The following CREBBP variants were observed in gnomAD, a reference collection of about 807,000 sequenced individuals.
CREBBP encodes the protein CREB binding lysine acetyltransferase.
In CREBBP, 19 loss-of-function variants were observed where a neutral mutation model predicts 265.0. That is an observed-to-expected ratio of 0.07 (90% CI 0.05 to 0.11). CREBBP has a LOEUF of 0.11. Ranked by LOEUF, CREBBP falls within the 10% of genes least tolerant of loss-of-function variation. The pLI is 1.00. For missense variants in CREBBP, 2,525 were observed against 3,219.0 expected, an observed-to-expected ratio of 0.78 and a Z score of 5.22; for synonymous variants, 1,457 against 1,223.7, an observed-to-expected ratio of 1.19 and a Z score of -3.98.
chr16:3,853,448 A>C (rs1399872356), intron 1 of CREBBP, among the ~76,000 whole-genome samples: 4 of 151,338 alleles, frequency 2.6e-5, no homozygotes, highest in African/African-American at 9.7e-5. Context: ...GTCTCTACTA[A>C]AAATATAAAA....
intron 16 of CREBBP, among the ~76,000 whole-genome samples, chr16:3,759,588 C>CAAA (rs879293877): frequency 3.1e-5 from 4 of 129,464 alleles, no homozygotes; most frequent in African/African-American, 1.5e-4. Context: ...ACTCTGTCTC[C>CAAA]AAAAAAAAAA....
intron 26 of CREBBP, among the ~76,000 whole-genome samples, chr16:3,737,270 G>C (rs1347158036): frequency 2.6e-5 from 4 of 152,098 alleles, no homozygotes; most frequent in African/African-American, 9.7e-5. Flanking sequence ...GAATGGGGCA[G>C]GTCTAGAGTA....
At chr16:3,834,546 G>A (rs1375892244) in intron 2 of CREBBP, among the ~76,000 whole-genome samples, 1 of 152,170 alleles carries the variant, frequency 6.6e-6, no homozygotes, top group East Asian at 1.9e-4. Flanking sequence ...ATGAAGAGGT[G>A]AAACACAGAC....
At chr16:3,777,729 GA>G in intron 10 of CREBBP, 72 bp from the exon 11 acceptor site, 1 of 1,567,980 alleles carries the variant, frequency 6.4e-7, no homozygotes, top group Non-Finnish European at 8.8e-7. Context: ...TCAGGAATAG[GA>G]AATTTCTTAT....
intron 2 of CREBBP, among the ~76,000 whole-genome samples, chr16:3,832,959 G>A (rs986047432): frequency 5.9e-5 from 9 of 151,676 alleles, no homozygotes; most frequent in Non-Finnish European, 7.4e-5. Context: ...TTCAGTAATC[G>A]CTTATGATCA....
intron 1 of CREBBP, among the ~76,000 whole-genome samples, chr16:3,862,970 A>G (rs1016824426): frequency 2.0e-5 from 3 of 152,194 alleles, no homozygotes; most frequent in Non-Finnish European, 2.9e-5. Context: ...TGTGCTTAGT[A>G]AGTTCATTTA....
At chr16:3,787,220 AGAAGCACT>A (rs2053408267) in intron 5 of CREBBP, among the ~76,000 whole-genome samples, 1 of 152,222 alleles carries the variant, frequency 6.6e-6, no homozygotes, top group Non-Finnish European at 1.5e-5. Flanking sequence ...CACAGTGAAG[AGAAGCACT>A]GAGGGGAACC....
chr16:3,761,037 C>A lies in CREBBP; in HGVS notation c.3251-2065G>T, dbSNP rs143779916. On this transcript the variant is annotated intron_variant, in intron 16 of 30. Transcript: ENST00000262367. Reference sequence around the variant, plus strand: ...TGGCGTGATCTTGGCTCACTGCAATCTCCGCCTCCCGGGTTCAAGCGATTC... The same window carrying A: ...TGGCGTGATCTTGGCTCACTGCAATATCCGCCTCCCGGGTTCAAGCGATTC... 1.9e-3 allele frequency among the ~76,000 whole-genome samples: 295 copies of A among 152,194 alleles called. 2 individuals are homozygous for A. The highest frequency in any genetic ancestry group is 6.9e-3 in the African/African-American group (287 of 41,498).
In CREBBP at chr16:3,767,881, G is replaced by C; in HGVS notation, c.3089C>G (p.Ser1030Cys). The C allele has an allele frequency of 1.2e-6, 2 of 1,613,988 alleles. No individual in the cohort carries two copies. Among genetic ancestry groups the C allele is most frequent in the Non-Finnish European group, 1.7e-6 (2 of 1,180,002 alleles). The stretch of plus-strand genomic sequence containing the variant: ...TATGTCTGTTTCTTCTTTAACTTGG[G>C]AAGCTCCTTGCAAATCCTCCTCCAT... ...EMMEEDLQGA[S>C]QVKEETDIAE... The change falls in exon 16 of 31, where the codon TCC (serine) becomes TGC (cysteine). Residue 1030 changes from serine (S) to cysteine (C), a missense_variant. Transcript: ENST00000262367.
At position 3,803,483 on chromosome 16, in the gene CREBBP, C is replaced by T. The variant is rs369678114; in HGVS notation, c.975+7120G>A. Among the ~76,000 whole-genome samples the T allele has an allele frequency of 6.6e-5, 10 of 151,664 alleles. No homozygotes were observed. In the South Asian group the frequency reaches 1.3e-3, roughly 19 times the overall value. On this transcript the variant is annotated intron_variant, in intron 3 of 30. Coordinates refer to ENST00000262367, the MANE Select transcript of CREBBP (RefSeq NM_004380.3). ...TCGCGCCACTGCACTCTAGCCTGGG[C>T]GACAGATCGAGACTCTCTCTCAACA...
At position 3,767,756 on chromosome 16, in the gene CREBBP, A is replaced by C. The variant is rs947598568; in HGVS notation, c.3214T>G (p.Ser1072Ala). The change falls in exon 16 of 31, where the codon TCT (serine) becomes GCT (alanine). Residue 1072 changes from serine to alanine, a missense_variant. Transcript: ENST00000262367. ...GGCTGCGAAGGAGATGTTGACTGAGAGGCTGTGCCGTTACTGCTACTCTCT... is the reference window on the plus strand; with the variant it reads ...GGCTGCGAAGGAGATGTTGACTGAGCGGCTGTGCCGTTACTGCTACTCTCT... ...EEESSSNGTASQSTSPSQPRK... is the reference protein window; with the variant it reads ...EEESSSNGTAAQSTSPSQPRK... 3.1e-6 allele frequency: 5 copies of C among 1,614,162 alleles called. No individual in the cohort carries two copies. The African/African-American group carries it at 6.7e-5, about 22-fold the overall frequency.
At chr16:3,865,498 T>C (rs909010236) in intron 1 of CREBBP, among the ~76,000 whole-genome samples, 6 of 152,136 alleles carry the variant, frequency 3.9e-5, no homozygotes, top group Non-Finnish European at 8.8e-5. Context: ...TCTGCCTGAA[T>C]ACAGATAAAC....
At chr16:3,828,672 A>G (rs1390287307) in intron 2 of CREBBP, among the ~76,000 whole-genome samples, 1 of 152,256 alleles carries the variant, frequency 6.6e-6, no homozygotes, top group African/African-American at 2.4e-5. Context: ...GTTTGAATAC[A>G]GCTGTATTAC....
At position 3,725,735 on chromosome 16, in the gene CREBBP, G is replaced by A. The variant is rs201153295; in HGVS notation, c.*1983C>T. The stretch of plus-strand genomic sequence containing the variant: ...TTCCAACTTCTTAGAAAGGTTCCTC[G>A]AATTCAGATTCCCAAACCAAGTATT... On this transcript the variant is annotated 3_prime_UTR_variant, in exon 31 of 31. Transcript: ENST00000262367. 41 of 233,256 alleles carry A rather than the reference G, an allele frequency of 1.8e-4. No individual in the cohort carries two copies. Among genetic ancestry groups the A allele is most frequent in the East Asian group, 6.0e-4 (10 of 16,592 alleles). 14.4% of individuals were successfully genotyped at this position (233,256 alleles called of 1,614,324 possible). A position where few individuals can be genotyped will look rare whatever the true frequency, so the allele number is the denominator to read the frequency against.
At position 3,773,967 on chromosome 16, in the gene CREBBP, G is replaced by A. The variant is rs765667103; in HGVS notation, c.2284-37C>T. ...CAAGCACCACCAGAGCTGTAGTTCG[G>A]AAGCTGACGGCCAGAGTTTTCAAGG... On this transcript the variant is annotated intron_variant, in intron 12 of 30. Transcript: ENST00000262367. 6.2e-6 allele frequency: 10 copies of A among 1,609,398 alleles called. No homozygotes were observed. The African/African-American group carries it at 9.4e-5, about 15-fold the overall frequency.
At chr16:3,733,023 TGA>T (rs776428162) in intron 28 of CREBBP, among the ~76,000 whole-genome samples, 66 of 152,016 alleles carry the variant, frequency 4.3e-4, no homozygotes, top group Non-Finnish European at 7.9e-4. Context: ...TTTAACAAGA[TGA>T]GAGAGACTCT....
At chr16:3,829,378 C>T (rs1450053651) in intron 2 of CREBBP, among the ~76,000 whole-genome samples, 1 of 152,180 alleles carries the variant, frequency 6.6e-6, no homozygotes, top group Non-Finnish European at 1.5e-5. Context: ...TACGTTCACA[C>T]CATTAAAATG....
At chr16:3,737,572 G>GCC (rs2052096494) in intron 26 of CREBBP, among the ~76,000 whole-genome samples, 1 of 149,484 alleles carries the variant, frequency 6.7e-6, no homozygotes, top group Non-Finnish European at 1.5e-5. Flanking sequence ...TGGCTCTCCT[G>GCC]CCCCCACCTC....
intron 2 of CREBBP, among the ~76,000 whole-genome samples, chr16:3,833,846 A>G (rs924720157): frequency 1.3e-5 from 2 of 152,210 alleles, no homozygotes; most frequent in Admixed American, 1.3e-4. Flanking sequence ...TGAGAAGACA[A>G]TCCACAGACT....
Sources: gnomAD v4.1 joint callset for allele counts (sites outside exome capture counted in the v4.1 genomes callset) on GRCh38, gnomAD v4.1.1 for gene constraint, MANE v1.5 for transcripts, NCBI Gene and HGNC (gene_info 2026-07-23, HGNC 2026-07-21) for gene names.